Variants in SMARCA2 observed in about 807,000 individuals in gnomAD.
SMARCA2 encodes SWI/SNF-related matrix-associated actin-dependent regulator of chromatin subfamily A member 2.
In SMARCA2, 61 loss-of-function variants were observed where a neutral mutation model predicts 199.8. The ratio of observed to expected loss-of-function variants is 0.31; its 90% confidence interval spans 0.25 to 0.38. The LOEUF (loss-of-function observed/expected upper bound fraction) is 0.38, where lower values mean the gene tolerates loss of function less well. SMARCA2 is among the 10% of genes least tolerant of loss of function. SMARCA2 has a pLI of 1.00. For synonymous variants in SMARCA2, 935 were observed against 732.0 expected, an observed-to-expected ratio of 1.28 and a Z score of -4.48; for missense variants, 1,344 against 2,012.2, an observed-to-expected ratio of 0.67 and a Z score of 6.35.
chr9:2,064,762 AT>A (rs1820754707), intron 9 of SMARCA2, among the ~76,000 whole-genome samples: 1 of 152,166 alleles, frequency 6.6e-6, no homozygotes, highest in Admixed American at 6.5e-5. Context: ...GAATTTTCTA[AT>A]TACATGGCCT....
intron 1 of SMARCA2, among the ~76,000 whole-genome samples, chr9:2,025,766 A>G (rs1818803144): frequency 6.6e-6 from 1 of 152,198 alleles, no homozygotes. Flanking sequence ...ACTGTGGGAA[A>G]GTTTAATTAC....
At chr9:2,187,680 A>C (rs1827567762) in intron 32 of SMARCA2, among the ~76,000 whole-genome samples, 1 of 152,138 alleles carries the variant, frequency 6.6e-6, no homozygotes, top group African/African-American at 2.4e-5. Context: ...CTATCTAAAA[A>C]AAAAATTTTA....
intron 27 of SMARCA2, among the ~76,000 whole-genome samples, chr9:2,136,362 A>G (rs1455762157): frequency 6.6e-5 from 10 of 150,822 alleles, no homozygotes; most frequent in African/African-American, 2.4e-4. Flanking sequence ...TAATTTTTAT[A>G]TTATTGGTAG....
At chr9:2,106,969 A>C (rs1306008841) in intron 23 of SMARCA2, among the ~76,000 whole-genome samples, 1 of 152,186 alleles carries the variant, frequency 6.6e-6, no homozygotes, top group Non-Finnish European at 1.5e-5. Flanking sequence ...TTATGTATCA[A>C]AGTCTGAAAG....
At chr9:2,060,638 C>T (rs1820547388) in intron 8 of SMARCA2, among the ~76,000 whole-genome samples, 178 bp from the exon 9 acceptor site, 1 of 152,224 alleles carries the variant, frequency 6.6e-6, no homozygotes, top group Non-Finnish European at 1.5e-5. Context: ...GTAGGCGTCA[C>T]ACTTCTGTGT....
In SMARCA2 at chr9:2,189,190, T is replaced by C. The variant is rs72691216; in HGVS notation, c.4595-2076T>C. ...AGGATATGGACATCTTGTGAGGAGA[T>C]GATATTCTGTCCACCACACTTGGTA... On this transcript the variant is annotated intron_variant, in intron 32 of 33. Coordinates refer to ENST00000349721, the MANE Select transcript of SMARCA2 (RefSeq NM_003070.5). Among the ~76,000 whole-genome samples the C allele has an allele frequency of 4.6e-3, 704 of 152,318 alleles. 2 individuals are homozygous for C. Among genetic ancestry groups the C allele is most frequent in the Non-Finnish European group, 8.0e-3 (541 of 68,028 alleles).
Position 2,119,514 on chromosome 9 carries a change from A to G in SMARCA2, c.3741A>G (p.Glu1247=), listed in dbSNP as rs1230904182. Residue 1247 remains glutamate (E), a synonymous_variant, in exon 26 of 34, where the codon GAA becomes GAG. Transcript: ENST00000349721. This position sits in a 1 kb window ranked among gnomAD's most constrained non-coding sequence, Gnocchi z 4.6. ...ETLNQMIARR[E]EEFDLFMRMD... ...TGAACCAAATGATTGCTCGACGAGAAGAAGAATTTGACCTTTTTATGGTAA... is the reference window on the plus strand; with the variant it reads ...TGAACCAAATGATTGCTCGACGAGAGGAAGAATTTGACCTTTTTATGGTAA... 4 of 1,611,936 alleles carry G rather than the reference A, an allele frequency of 2.5e-6. No individual in the cohort carries two copies. The highest frequency in any genetic ancestry group is 3.4e-6 in the Non-Finnish European group (4 of 1,178,114).
intron 27 of SMARCA2, among the ~76,000 whole-genome samples, chr9:2,153,429 G>T (rs779267713): frequency 2.6e-5 from 4 of 152,096 alleles, no homozygotes; most frequent in Non-Finnish European, 5.9e-5. Context: ...GCTCTCAGGA[G>T]GGTGAGGTGG....
intron 27 of SMARCA2, among the ~76,000 whole-genome samples, chr9:2,157,458 A>G (rs576617900): frequency 1.1e-4 from 17 of 152,256 alleles, no homozygotes; most frequent in African/African-American, 3.9e-4. Flanking sequence ...TCTGGAATCC[A>G]ACTAGAGTTC....
At chr9:2,105,727 CTCT>C (rs1822724839) in intron 23 of SMARCA2, among the ~76,000 whole-genome samples, 1 of 152,214 alleles carries the variant, frequency 6.6e-6, no homozygotes, top group Non-Finnish European at 1.5e-5. Context: ...AAATTCGGCA[CTCT>C]TCTTTCAAAA....
At position 2,086,924 on chromosome 9, in the gene SMARCA2, C is replaced by T. The variant is rs772545457; in HGVS notation, c.2622C>T (p.Pro874=). 13 of 1,614,208 alleles carry T rather than the reference C, an allele frequency of 8.1e-6. No homozygotes were observed. The highest frequency in any genetic ancestry group is 2.5e-6 in the Non-Finnish European group (3 of 1,180,018). Residue 874 remains proline, a synonymous_variant, in exon 18 of 34, where the codon CCC becomes CCT. Transcript: ENST00000349721. The surrounding 1 kb of genome is among the most constrained non-coding windows in gnomAD (Gnocchi z 4.3). ...TQVLNTHYVA[P]RRILLTGTPL... ...TCTTGAACACTCACTATGTGGCCCC[C>T]AGAAGGATCCTCTTGACTGGGACCC...
Position 2,161,577 on chromosome 9 carries a change from T to C in SMARCA2, c.3982-109T>C, listed in dbSNP as rs925423637. The C allele has an allele frequency of 3.7e-5, 28 of 756,692 alleles. No individual in the cohort carries two copies. The highest frequency in any genetic ancestry group is 3.3e-4 in the South Asian group (17 of 51,922). The allele number at this position is 756,692 out of a possible 1,614,324, so 46.9% of individuals were successfully genotyped here. ...TAACTTTTACTTTTTTTTGGTTAAT[T>C]TCTTTCATTTTATTCTAATTGTTGG... On this transcript the variant is annotated intron_variant, in intron 27 of 33. Transcript: ENST00000349721. This position sits in a 1 kb window ranked among gnomAD's most constrained non-coding sequence, Gnocchi z 4.7.
At chr9:2,192,446 T>C (rs1478959507) in intron 33 of SMARCA2, 1 of 485,394 alleles carries the variant, frequency 2.1e-6, no homozygotes, top group Admixed American at 3.8e-5. Flanking sequence ...GCCATAAACC[T>C]TTCAAGCCAA....
chr9:2,145,821 A>G (rs1406583581), intron 27 of SMARCA2, among the ~76,000 whole-genome samples: 1 of 152,126 alleles, frequency 6.6e-6, no homozygotes, highest in East Asian at 1.9e-4. Context: ...CGAAGGCATT[A>G]TCTTTGTAAG....
intron 27 of SMARCA2, among the ~76,000 whole-genome samples, chr9:2,138,657 T>A (rs1382112504): frequency 6.6e-6 from 1 of 152,202 alleles, no homozygotes; most frequent in African/African-American, 2.4e-5. Context: ...GCTTGCAGAT[T>A]TGTCACTGAT....
chr9:2,163,049 T>C (rs1391729612), intron 28 of SMARCA2: 6 of 152,260 alleles, frequency 3.9e-5, no homozygotes, highest in Admixed American at 3.9e-4. Flanking sequence ...TTTTTCATTA[T>C]GGCTTTGCCG....
chr9:2,102,613 G>A (rs1392342019), intron 22 of SMARCA2, among the ~76,000 whole-genome samples: 1 of 152,132 alleles, frequency 6.6e-6, no homozygotes, highest in East Asian at 1.9e-4. Context: ...AAAAAAATGG[G>A]TGAACTGTAG....
chr9:2,106,784 A>C (rs1822773240), intron 23 of SMARCA2, among the ~76,000 whole-genome samples: 1 of 152,222 alleles, frequency 6.6e-6, no homozygotes, highest in Non-Finnish European at 1.5e-5. Context: ...TTTTTACTGG[A>C]AATGATTTTT....
Position 2,099,401 on chromosome 9 carries a change from C to T in SMARCA2, c.3078+1930C>T, listed in dbSNP as rs111792050. 8.0e-4 allele frequency among the ~76,000 whole-genome samples: 122 copies of T among 152,120 alleles called. 1 individual carries two copies. The highest frequency in any genetic ancestry group is 2.8e-3 in the African/African-American group (115 of 41,420). ...TTTTGAAGATTAAGCATCAATCTTACTTCGTTTTGGTTATCATAAAAGAAA... is the reference window on the plus strand; with the variant it reads ...TTTTGAAGATTAAGCATCAATCTTATTTCGTTTTGGTTATCATAAAAGAAA... On this transcript the variant is annotated intron_variant, in intron 21 of 33. Transcript: ENST00000349721.
Sources: allele counts gnomAD v4.1 joint callset (sites outside exome capture counted in the v4.1 genomes callset), GRCh38; gene constraint gnomAD v4.1.1; non-coding constraint Gnocchi (gnomAD v3.1); transcripts MANE v1.5; gene names NCBI Gene and HGNC (gene_info 2026-07-23, HGNC 2026-07-21).